Variants in RTL4 observed in about 807,000 individuals in gnomAD.
The protein encoded by RTL4 is retrotransposon Gag-like protein 4.
RTL4 carries 4 observed loss-of-function variants against 5.3 expected under a neutral mutation model. The observed-to-expected ratio is 0.75, with a 90% CI of 0.37 to 1.72. RTL4 has a LOEUF of 1.72. RTL4 is among the 40% of genes most tolerant of loss of function. The probability of loss-of-function intolerance (pLI) is 0.04; values close to 1 mark genes in which losing one functional copy is unlikely to be tolerated. For synonymous variants in RTL4, 98 were observed against 87.3 expected (o/e 1.12, Z -0.68); for missense variants, 260 against 227.1 (o/e 1.14, Z -0.93).
At chrX:112,097,418 T>G in the RTL4 span, among the ~76,000 whole-genome samples, 1 of 111,113 alleles carries the variant, frequency 9.0e-6, no homozygotes, top group Non-Finnish European at 1.9e-5. Context: ...AGAGGATCAC[T>G]TTAGCCCAGG....
At chrX:112,384,989 C>T in the RTL4 span, among the ~76,000 whole-genome samples, 3 of 111,195 alleles carry the variant, frequency 2.7e-5, no homozygotes, top group Non-Finnish European at 5.7e-5. Flanking sequence ...TGGGAGTTCA[C>T]TCATGATTTG....
At chrX:112,455,419 C>A in exon 1 of RTL4, 1 of 1,211,168 alleles carries the variant, frequency 8.3e-7, no homozygotes, top group African/African-American at 1.7e-5. Flanking sequence ...GTCAGAGACC[C>A]AGCTCCCATT....
At chrX:112,385,168 C>G in the RTL4 span, among the ~76,000 whole-genome samples, 1 of 111,354 alleles carries the variant, frequency 9.0e-6, no homozygotes, top group Non-Finnish European at 1.9e-5. Context: ...TTTTCACTCT[C>G]TTAAGGCTTT....
At chrX:112,237,985 A>G in the RTL4 span, among the ~76,000 whole-genome samples, 5 of 112,141 alleles carry the variant, frequency 4.5e-5, no homozygotes, top group Non-Finnish European at 9.4e-5. Context: ...TTCTTCAGAG[A>G]AAATCCTATT....
the RTL4 span, among the ~76,000 whole-genome samples, chrX:112,417,993 CA>C: frequency 9.1e-6 from 1 of 110,217 alleles, no homozygotes; most frequent in Non-Finnish European, 1.9e-5. Flanking sequence ...AATAAAAATA[CA>C]AAAATTAGCC....
chrX:112,088,000 C>CTT, the RTL4 span, among the ~76,000 whole-genome samples: 1 of 99,052 alleles, frequency 1.0e-5, no homozygotes, highest in South Asian at 4.5e-4. Context: ...AAAACATTTT[C>CTT]TTTTTTTTTT....
chrX:112,139,965 A>G, the RTL4 span, among the ~76,000 whole-genome samples: 1 of 111,982 alleles, frequency 8.9e-6, no homozygotes, highest in African/African-American at 3.2e-5. Flanking sequence ...ACCTGCAGCC[A>G]TGATTTTGAG....
the RTL4 span, among the ~76,000 whole-genome samples, chrX:112,324,920 T>A: frequency 2.7e-5 from 3 of 111,594 alleles, no homozygotes; most frequent in Non-Finnish European, 5.6e-5. Flanking sequence ...ATCTTCTGTC[T>A]AGTGGTTCTA....
exon 1 of RTL4, chrX:112,455,723 A>G (rs1024243435): frequency 5.3e-5 from 55 of 1,045,350 alleles, no homozygotes; most frequent in African/African-American, 7.6e-5. Context: ...TATAACCTGC[A>G]TTAACTTTTA....
the RTL4 span, among the ~76,000 whole-genome samples, chrX:112,419,605 G>GTA: frequency 4.8e-5 from 1 of 20,683 alleles, no homozygotes; most frequent in African/African-American, 7.1e-5. Flanking sequence ...TTTTACATAT[G>GTA]TATATGTATA....
the RTL4 span, among the ~76,000 whole-genome samples, chrX:112,159,649 T>G: frequency 8.9e-6 from 1 of 111,932 alleles, no homozygotes; most frequent in Admixed American, 9.5e-5. Context: ...TATTACTTTA[T>G]TCTTCTTTAC....
the RTL4 span, among the ~76,000 whole-genome samples, chrX:112,358,347 G>A: frequency 3.7e-5 from 4 of 109,168 alleles, no homozygotes; most frequent in Non-Finnish European, 7.6e-5. Context: ...GGACTCAAGT[G>A]ACAAAATCAC....
the RTL4 span, among the ~76,000 whole-genome samples, chrX:112,253,812 G>A: frequency 1.8e-5 from 2 of 112,036 alleles, no homozygotes; most frequent in African/African-American, 6.5e-5. Context: ...GCTAAGTTAC[G>A]CCTCTACCCT....
chrX:112,107,398 T>A, the RTL4 span, among the ~76,000 whole-genome samples: 1 of 112,383 alleles, frequency 8.9e-6, no homozygotes, highest in Non-Finnish European at 1.9e-5. Flanking sequence ...ACATACTTTT[T>A]TCAGCATGTT....
chrX:112,443,630 T>C, the RTL4 span, among the ~76,000 whole-genome samples: 25,030 of 111,361 alleles, frequency 0.22, 2,160 homozygotes, highest in Middle Eastern at 0.28. Flanking sequence ...TAAGCCATTT[T>C]AACTCACATG....
the RTL4 span, among the ~76,000 whole-genome samples, chrX:112,187,736 T>A: frequency 3.6e-5 from 4 of 111,453 alleles, no homozygotes; most frequent in Non-Finnish European, 7.5e-5. Context: ...GTAGCATAAT[T>A]GAGCAGGCCT....
chrX:112,345,017 C>T, the RTL4 span, among the ~76,000 whole-genome samples: 1 of 111,667 alleles, frequency 9.0e-6, no homozygotes, highest in Admixed American at 9.5e-5. Flanking sequence ...AAACCGCCCC[C>T]ATGATTCAAT....
the RTL4 span, among the ~76,000 whole-genome samples, chrX:112,318,963 C>A: frequency 9.0e-6 from 1 of 111,141 alleles, no homozygotes; most frequent in Non-Finnish European, 1.9e-5. Flanking sequence ...ATTCTAAAGT[C>A]TTTTTAGTTC....
At chrX:112,294,635 A>G in the RTL4 span, among the ~76,000 whole-genome samples, 1 of 111,191 alleles carries the variant, frequency 9.0e-6, no homozygotes, top group African/African-American at 3.3e-5. Flanking sequence ...CAAAACAAAA[A>G]CCGTCAACCA....
Sources: allele counts gnomAD v4.1 joint callset (sites outside exome capture counted in the v4.1 genomes callset), GRCh38; gene constraint gnomAD v4.1.1; transcripts MANE v1.5; gene names NCBI Gene and HGNC (gene_info 2026-07-23, HGNC 2026-07-21).